Variants in UGT2A1 observed in about 807,000 individuals in gnomAD.
UGT2A1 encodes UDP glucuronosyltransferase family 2 member A1 complex locus, also known as UDP-glucuronosyltransferase 2A1.
A neutral mutation model predicts 45.4 loss-of-function variants in UGT2A1; 61 were observed. That is an observed-to-expected ratio of 1.34 (90% CI 1.09 to 1.66). The LOEUF is 1.66. UGT2A1 is among the 40% of genes most tolerant of loss of function. UGT2A1 has a pLI of 0.00. For synonymous variants in UGT2A1, 229 were observed against 196.2 expected (o/e 1.17, Z -1.40); for missense variants, 649 against 574.3 (o/e 1.13, Z -1.33).
chr4:69,613,070 A>G (rs920944654), intron 3 of UGT2A1, among the ~76,000 whole-genome samples: 5 of 152,012 alleles, frequency 3.3e-5, no homozygotes, highest in Admixed American at 2.0e-4. Flanking sequence ...AGACAGGCAA[A>G]AGACATGAAT....
intron 3 of UGT2A1, among the ~76,000 whole-genome samples, chr4:69,605,335 G>A (rs1279329918): frequency 1.5e-5 from 2 of 136,816 alleles, no homozygotes; most frequent in Non-Finnish European, 3.1e-5. Context: ...GGTACATAAC[G>A]AAATGAAGGC....
chr4:69,638,904 AT>A, intron 2 of UGT2A1: 1 of 1,577,308 alleles, frequency 6.3e-7, no homozygotes, highest in East Asian at 2.2e-5. Context: ...CTTACCTAAA[AT>A]TTTGCTATAG....
intron 3 of UGT2A1, among the ~76,000 whole-genome samples, chr4:69,622,080 G>A (rs1241720048): frequency 6.6e-6 from 1 of 151,766 alleles, no homozygotes; most frequent in Non-Finnish European, 1.5e-5. Flanking sequence ...CCTGGGTCAT[G>A]GAATAGTCAG....
chr4:69,601,526 C>G (rs72852590), intron 3 of UGT2A1, among the ~76,000 whole-genome samples: 1,965 of 152,286 alleles, frequency 0.013, 35 homozygotes, highest in African/African-American at 0.045. Flanking sequence ...GGCATAATAA[C>G]ACAACCCCAA....
At chr4:69,639,615 A>T (rs756150470) in intron 2 of UGT2A1, 1 of 1,598,498 alleles carries the variant, frequency 6.3e-7, no homozygotes, top group African/African-American at 1.4e-5. Context: ...CTTCTTAGGC[A>T]TGGTAAAATC....
intron 5 of UGT2A1, 110 bp from the exon 6 acceptor site, chr4:69,594,806 G>GT (rs1718821537): frequency 7.6e-7 from 1 of 1,320,882 alleles, no homozygotes; most frequent in African/African-American, 1.5e-5. Context: ...AGAAGGATAC[G>GT]TTTTCTACAA....
At position 69,599,380 on chromosome 4, in the gene UGT2A1, A is replaced by G; in HGVS notation, c.862T>C (p.Leu288=). Residue 288 remains leucine, a synonymous_variant, in exon 4 of 7, where the codon TTA becomes CTA. Transcript: ENST00000286604. ...TCAGCTTTCCCCATAGTCTCACATA[A>G]CGTAGTGGGTCTTCCTGGAGAAAAT... The part of the protein sequence containing the change: ...YRLPAGRPTT[L]CETMGKAEIW... 6 of 1,613,554 alleles carry G rather than the reference A, an allele frequency of 3.7e-6. No homozygotes were observed. The highest frequency in any genetic ancestry group is 1.1e-5 in the South Asian group (1 of 90,988).
At chr4:69,636,710 G>A (rs1721730240) in intron 2 of UGT2A1, among the ~76,000 whole-genome samples, 1 of 151,940 alleles carries the variant, frequency 6.6e-6, no homozygotes, top group South Asian at 2.1e-4. Flanking sequence ...ATATAAAAAG[G>A]GTTTTATCAT....
intron 3 of UGT2A1, among the ~76,000 whole-genome samples, chr4:69,632,969 G>T (rs1721470685): frequency 6.6e-6 from 1 of 152,010 alleles, no homozygotes; most frequent in Non-Finnish European, 1.5e-5. Context: ...ATTCTTGATG[G>T]CTTACAAACC....
chr4:69,611,091 A>T (rs1417455077), intron 3 of UGT2A1, among the ~76,000 whole-genome samples: 1 of 150,602 alleles, frequency 6.6e-6, no homozygotes, highest in Non-Finnish European at 1.5e-5. Context: ...TAAAATAGGT[A>T]GAATAAATGT....
chr4:69,647,682 G>T lies in UGT2A1; in HGVS notation c.-38C>A. ...TGCAGAAGATTTGATGAGATGTGAA[G>T]CAAATGTTTTTCTCTGCTTTTAAAG... On this transcript the variant is annotated 5_prime_UTR_variant, in exon 2 of 7. Coordinates refer to ENST00000286604, the MANE Select transcript of UGT2A1 (RefSeq NM_001252275.3). 7.3e-7 allele frequency: 1 copy of T among 1,364,800 alleles called. No individual in the cohort carries two copies. Among genetic ancestry groups the T allele is most frequent in the Non-Finnish European group, 9.8e-7 (1 of 1,015,480 alleles). The allele number at this position is 1,364,800 out of a possible 1,614,324, so 84.5% of individuals were successfully genotyped here.
At chr4:69,649,871 G>A (rs72853667) in intron 1 of UGT2A1, among the ~76,000 whole-genome samples, 2,353 of 152,148 alleles carry the variant, frequency 0.015, 51 homozygotes, top group African/African-American at 0.052. Context: ...TGACACATGC[G>A]CAGTAAGGAA....
At chr4:69,641,122 C>G (rs1393778742) in intron 2 of UGT2A1, among the ~76,000 whole-genome samples, 1 of 151,738 alleles carries the variant, frequency 6.6e-6, no homozygotes, top group Non-Finnish European at 1.5e-5. Context: ...AAAAGCTTAT[C>G]AAAATATGCT....
chr4:69,632,525 AG>A (rs1190009103), intron 3 of UGT2A1, among the ~76,000 whole-genome samples: 1 of 152,182 alleles, frequency 6.6e-6, no homozygotes, highest in Admixed American at 6.5e-5. Flanking sequence ...AACTAAAAAC[AG>A]GAGGGTGGCA....
chr4:69,617,492 C>G (rs904025704), intron 3 of UGT2A1, among the ~76,000 whole-genome samples: 4 of 151,690 alleles, frequency 2.6e-5, no homozygotes, highest in Non-Finnish European at 5.9e-5. Flanking sequence ...CGTACAAAAC[C>G]AAGATGAACA....
At chr4:69,622,642 C>T (rs11249452) in intron 3 of UGT2A1, among the ~76,000 whole-genome samples, 6 of 151,244 alleles carry the variant, frequency 4.0e-5, no homozygotes, top group South Asian at 2.1e-4. Context: ...TTCTTGGTCT[C>T]GAGGCTCAAA....
In UGT2A1 at chr4:69,647,677, G is replaced by T. The variant is rs370136204; in HGVS notation, c.-33C>A. ...CTTGATGCAGAAGATTTGATGAGATGTGAAGCAAATGTTTTTCTCTGCTTT... is the reference window on the plus strand; with the variant it reads ...CTTGATGCAGAAGATTTGATGAGATTTGAAGCAAATGTTTTTCTCTGCTTT... On this transcript the variant is annotated 5_prime_UTR_variant, in exon 2 of 7. Coordinates refer to ENST00000286604, the MANE Select transcript of UGT2A1 (RefSeq NM_001252275.3). The T allele has an allele frequency of 3.6e-6, 5 of 1,385,648 alleles. No homozygotes were observed. The highest frequency in any genetic ancestry group is 3.9e-6 in the Non-Finnish European group (4 of 1,030,400). The allele number at this position is 1,385,648 out of a possible 1,614,324, so 85.8% of individuals were successfully genotyped here. A position where few individuals can be genotyped will look rare whatever the true frequency, so the allele number is the denominator to read the frequency against.
chr4:69,596,073 AT>A (rs1429009599), intron 4 of UGT2A1, among the ~76,000 whole-genome samples: 1 of 152,226 alleles, frequency 6.6e-6, no homozygotes, highest in Non-Finnish European at 1.5e-5. Context: ...CAGTAGGCAA[AT>A]GATTCAATGT....
In UGT2A1 at chr4:69,594,336, G is replaced by A. The variant is rs944416728; in HGVS notation, c.1304+141C>T. 11 of 1,154,870 alleles carry A rather than the reference G, an allele frequency of 9.5e-6. No homozygotes were observed. The East Asian group carries it at 2.6e-4, about 28-fold the overall frequency. 71.5% of individuals were successfully genotyped at this position (1,154,870 alleles called of 1,614,324 possible). The stretch of plus-strand genomic sequence containing the variant: ...TTCAGCAAATCACTTTAGCAGTTTG[G>A]CAAATAAAATAGTTTTTATATTGGT... On this transcript the variant is annotated intron_variant, in intron 6 of 6. Transcript: ENST00000286604.
Sources: gnomAD v4.1 joint callset for allele counts (sites outside exome capture counted in the v4.1 genomes callset) on GRCh38, gnomAD v4.1.1 for gene constraint, MANE v1.5 for transcripts, NCBI Gene and HGNC (gene_info 2026-07-23, HGNC 2026-07-21) for gene names.